SMG5: variants seen among roughly 807,000 people sequenced by gnomAD.
The protein encoded by SMG5 is SMG5 nonsense mediated mRNA decay factor.
SMG5 carries 53 observed loss-of-function variants against 122.9 expected under a neutral mutation model. The ratio of observed to expected loss-of-function variants is 0.43; its 90% CI spans 0.35 to 0.54. The LOEUF (loss-of-function observed/expected upper bound fraction) is 0.54. SMG5 is among the 20% of genes least tolerant of loss of function. The pLI, the probability that SMG5 is intolerant of heterozygous loss-of-function variation, is 0.01. For synonymous variants in SMG5, 477 were observed against 490.2 expected (o/e 0.97, Z 0.35); for missense variants, 1,153 against 1,285.6 (o/e 0.90, Z 1.58).
chr1:156,251,261 C>T, intron 20 of SMG5, 142 bp downstream of exon 20: 2 of 1,053,094 alleles, frequency 1.9e-6, no homozygotes, highest in Non-Finnish European at 2.9e-6. Context: ...GTACTCCTCG[C>T]AAGGTGAGGC....
intron 16 of SMG5, among the ~76,000 whole-genome samples, chr1:156,255,853 T>A (rs1404244920): frequency 6.6e-6 from 1 of 152,128 alleles, no homozygotes; most frequent in Non-Finnish European, 1.5e-5. Context: ...CAGTGAGCTA[T>A]GGTCATGCCA....
intron 17 of SMG5, 47 bp from the exon 18 acceptor site, chr1:156,253,125 G>A (rs1246402400): frequency 6.6e-7 from 1 of 1,519,240 alleles, no homozygotes; most frequent in South Asian, 1.3e-5. Flanking sequence ...GACCCCTGCA[G>A]CCGGGCCGGG....
At chr1:156,272,702 T>C (rs1662490523) in intron 6 of SMG5, among the ~76,000 whole-genome samples, 2 of 152,010 alleles carry the variant, frequency 1.3e-5, no homozygotes, top group African/African-American at 4.8e-5. Flanking sequence ...CCTCTCCCAG[T>C]AGCTGGGACT....
chr1:156,271,819 C>T (rs573986376), intron 7 of SMG5, among the ~76,000 whole-genome samples: 43 of 152,104 alleles, frequency 2.8e-4, no homozygotes, highest in African/African-American at 9.2e-4. Flanking sequence ...TCCTGAACTC[C>T]GAACCTCAGG....
At chr1:156,286,039 C>T, upstream of SMG5, 2 of 1,559,190 alleles carry the variant, frequency 1.3e-6, no homozygotes, top group Non-Finnish European at 8.7e-7. Flanking sequence ...AGGGCAGGGC[C>T]TGGCTGGTGT....
intron 15 of SMG5, among the ~76,000 whole-genome samples, chr1:156,259,830 C>T (rs974984894): frequency 1.3e-5 from 2 of 152,170 alleles, no homozygotes; most frequent in African/African-American, 4.8e-5. Context: ...TTGCACCTGG[C>T]CCCAACTTAT....
At chr1:156,276,964 A>G in intron 4 of SMG5, 121 bp downstream of exon 4, 1 of 934,604 alleles carries the variant, frequency 1.1e-6, no homozygotes, top group Non-Finnish European at 1.6e-6. Flanking sequence ...AACCATTTGT[A>G]TGTAGTTCTG....
chr1:156,283,326 T>A (rs1182468598), upstream of SMG5, among the ~76,000 whole-genome samples: 1 of 152,106 alleles, frequency 6.6e-6, no homozygotes, highest in Non-Finnish European at 1.5e-5. Context: ...TCAGCTCCCC[T>A]CCCAAAGATT....
intron 5 of SMG5, among the ~76,000 whole-genome samples, chr1:156,273,952 A>G (rs1662564935): frequency 6.6e-6 from 1 of 152,010 alleles, no homozygotes; most frequent in African/African-American, 2.4e-5. Context: ...TGAAATGCAA[A>G]TGCTCAATTT....
chr1:156,266,312 G>T lies in SMG5; in HGVS notation c.1324C>A (p.Pro442Thr), dbSNP rs1315773936. 2 of 1,614,088 alleles carry T rather than the reference G, an allele frequency of 1.2e-6. No individual in the cohort carries two copies. The highest frequency in any genetic ancestry group is 1.7e-5 in the Admixed American group (1 of 60,002). ...EPDPEPPPVT[P>T]QVGEGRKSRK... ...CTCTTTCTGCCCTCACCCACTTGGG[G>T]TGTTACAGGAGGAGGCTCAGGATCT... The change falls in exon 12 of 22, where the codon CCC becomes ACC. Residue 442 changes from proline (P) to threonine (T), a missense_variant. Pro to Thr is a conservative substitution (Grantham distance 38). Transcript: ENST00000361813.
intron 3 of SMG5, among the ~76,000 whole-genome samples, chr1:156,277,590 G>A (rs755678325): frequency 6.8e-6 from 1 of 146,874 alleles, no homozygotes; most frequent in African/African-American, 2.5e-5. Context: ...TCAGCTCATC[G>A]CAACCTCTGC....
chr1:156,266,669 T>C lies in SMG5; in HGVS notation c.1127A>G (p.Gln376Arg). Residue 376 changes from glutamine to arginine, a missense_variant, in exon 11 of 22, where the codon CAG becomes CGG. By Grantham distance (43) the Gln-to-Arg change is conservative. Transcript: ENST00000361813. ...GGTGAAGGCAATGGCTGCACTGTACTGCTTGGATCCTGAAGTCAGGAAAGC... is the reference window on the plus strand; with the variant it reads ...GGTGAAGGCAATGGCTGCACTGTACCGCTTGGATCCTGAAGTCAGGAAAGC... ...VHSLERAGSK[Q>R]YSAAIAFTLA... The C allele has an allele frequency of 6.2e-7, 1 of 1,614,198 alleles. No individual in the cohort carries two copies.
At chr1:156,274,963 T>C (rs1662613491) in intron 4 of SMG5, among the ~76,000 whole-genome samples, 1 of 151,758 alleles carries the variant, frequency 6.6e-6, no homozygotes, top group African/African-American at 2.4e-5. Flanking sequence ...GATGGCACCT[T>C]GCGGGAAGGT....
upstream of SMG5, chr1:156,286,554 G>T: frequency 6.9e-7 from 1 of 1,449,706 alleles, no homozygotes; most frequent in Non-Finnish European, 9.6e-7. Context: ...GAGAGCCAGG[G>T]TCAGGAGCTT....
At chr1:156,285,655 A>C, upstream of SMG5, 1 of 1,613,968 alleles carries the variant, frequency 6.2e-7, no homozygotes, top group Non-Finnish European at 8.5e-7. Context: ...AGCCCCAAGA[A>C]GACCTTATCG....
At chr1:156,275,793 T>G (rs1662653956) in intron 4 of SMG5, among the ~76,000 whole-genome samples, 1 of 151,876 alleles carries the variant, frequency 6.6e-6, no homozygotes, top group African/African-American at 2.4e-5. Context: ...CAGAATAATC[T>G]TGTCTTTTAG....
the SMG5 span, among the ~76,000 whole-genome samples, chr1:156,289,042 T>G: frequency 1.3e-5 from 2 of 152,346 alleles, no homozygotes; most frequent in South Asian, 4.1e-4. Flanking sequence ...ATCCAGGTCC[T>G]TTTCCTCTCT....
upstream of SMG5, chr1:156,286,154 G>A: frequency 7.2e-7 from 1 of 1,384,184 alleles, no homozygotes. Context: ...CCACCCCACT[G>A]TGTAGAGCCC....
At position 156,250,683 on chromosome 1, in the gene SMG5, A is replaced by C. The variant is rs1364537288; in HGVS notation, c.2968-13T>G. On this transcript the variant is annotated splice_polypyrimidine_tract_variant and intron_variant, in intron 21 of 21. Transcript: ENST00000361813. ...CCTGCAGGGCTGCCTGTGGAATGGG[A>C]GAAGGAAAGATGGAGAGGGTCTGAC... is the stretch of plus-strand genomic sequence containing the variant. 1.2e-6 allele frequency: 2 copies of C among 1,613,576 alleles called. No homozygotes were observed. The highest frequency in any genetic ancestry group is 2.2e-5 in the South Asian group (2 of 91,062).
Sources: gnomAD v4.1 joint callset for allele counts (sites outside exome capture counted in the v4.1 genomes callset) on GRCh38, gnomAD v4.1.1 for gene constraint, MANE v1.5 for transcripts, NCBI Gene and HGNC (gene_info 2026-07-23, HGNC 2026-07-21) for gene names.